The following CYGB variants were observed in gnomAD, a reference collection of about 807,000 sequenced individuals.
CYGB encodes the protein histoglobin.
In CYGB, 13 loss-of-function variants were observed where a neutral mutation model predicts 20.7. That is an observed-to-expected ratio of 0.63 (90% CI 0.41 to 1.00). The LOEUF is 1.00. Ranked by LOEUF, CYGB falls within the 50% of genes least tolerant of loss-of-function variation. The pLI, the probability that CYGB is intolerant of heterozygous loss-of-function variation, is 0.00. For missense variants in CYGB, 218 were observed against 257.2 expected, an observed-to-expected ratio of 0.85 and a Z score of 1.04; for synonymous variants, 93 against 107.4, an observed-to-expected ratio of 0.87 and a Z score of 0.83.
chr17:76,535,499 G>C (rs1206755899), intron 1 of CYGB, among the ~76,000 whole-genome samples: 1 of 152,168 alleles, frequency 6.6e-6, no homozygotes, highest in Non-Finnish European at 1.5e-5. Context: ...TGTGGGGCTT[G>C]GGCTGGCAGG....
chr17:76,549,164 A>G (rs1380193092), intron 1 of CYGB, among the ~76,000 whole-genome samples: 2 of 152,248 alleles, frequency 1.3e-5, no homozygotes, highest in Admixed American at 1.3e-4. Context: ...TGCTCTTGGA[A>G]AGACTAGGAG....
Position 76,537,603 on chromosome 17 carries a change from G to GGGGCGCGGGGCGCC in CYGB, c.-75_-62dup, listed in dbSNP as rs1274187744. The GGGGCGCGGGGCGCC allele has an allele frequency of 9.5e-7, 1 of 1,048,504 alleles. No individual in the cohort carries two copies. The highest frequency in any genetic ancestry group is 1.1e-6 in the Non-Finnish European group (1 of 870,932). 65.0% of individuals were successfully genotyped at this position (1,048,504 alleles called of 1,614,324 possible). ...GCGGCGGTGGCGGGGCGCGGGGCGC[G>GGGGCGCGGGGCGCC]GGGCGCGGGGCGCCGGGAGCCGGGG... On this transcript the variant is annotated 5_prime_UTR_variant, in exon 1 of 4. Coordinates refer to ENST00000293230, the MANE Select transcript of CYGB (RefSeq NM_134268.5).
Position 76,537,260 on chromosome 17 carries a change from C to T in CYGB, c.143+140G>A. 2 of 1,003,918 alleles carry T rather than the reference C, an allele frequency of 2.0e-6. 1 individual carries two copies. The allele number at this position is 1,003,918 out of a possible 1,614,324, so 62.2% of individuals were successfully genotyped here. A position where few individuals can be genotyped will look rare whatever the true frequency, so the allele number is the denominator to read the frequency against. ...GTTCACCCCAAGGCGCCCCACGCCGCCTGCTCCGCCGACCTCGGACCGGCC... is the reference window on the plus strand; with the variant it reads ...GTTCACCCCAAGGCGCCCCACGCCGTCTGCTCCGCCGACCTCGGACCGGCC... On this transcript the variant is annotated intron_variant, in intron 1 of 3. Coordinates refer to ENST00000293230, the MANE Select transcript of CYGB (RefSeq NM_134268.5).
chr17:76,536,404 C>A (rs2074914323), intron 1 of CYGB, among the ~76,000 whole-genome samples: 1 of 152,130 alleles, frequency 6.6e-6, no homozygotes, highest in South Asian at 2.1e-4. Flanking sequence ...ACAAGGCTGC[C>A]CTGCTCTGTC....
rs770214225 is a variant in CYGB at position 76,544,117 on chromosome 17, G to A, written c.-53+6745C>T. Reference sequence around the variant, plus strand: ...TGAGCAGAGATAAAAGCAGATTTCCGCTTCTGCTCCCAGATCCAGGAGCAG... The same window carrying A: ...TGAGCAGAGATAAAAGCAGATTTCCACTTCTGCTCCCAGATCCAGGAGCAG... On this transcript the variant is annotated intron_variant, in intron 1 of 3. Coordinates refer to the CYGB transcript ENST00000589145. 3.3e-5 allele frequency: 15 copies of A among 454,364 alleles called. No homozygotes were observed. In the East Asian group the frequency reaches 9.7e-4, roughly 29 times the overall value. The allele number at this position is 454,364 out of a possible 1,614,324, so 28.1% of individuals were successfully genotyped here.
At position 76,536,011 on chromosome 17, in the gene CYGB, C is replaced by T. The variant is rs1480973202; in HGVS notation, c.143+1389G>A. On this transcript the variant is annotated intron_variant, in intron 1 of 3. Transcript: ENST00000293230. The stretch of plus-strand genomic sequence containing the variant: ...CACCCTCCGAGGACGCAGTCTGGCA[C>T]ATCTGCGGCTCTGCTACCCACAATG... 5.9e-5 allele frequency among the ~76,000 whole-genome samples: 9 copies of T among 152,286 alleles called. No individual in the cohort carries two copies. The South Asian group carries it at 6.2e-4, about 11-fold the overall frequency.
At chr17:76,539,281 A>G (rs1454940119), upstream of CYGB, among the ~76,000 whole-genome samples, 2 of 152,216 alleles carry the variant, frequency 1.3e-5, no homozygotes, top group Non-Finnish European at 2.9e-5. Flanking sequence ...GGGATGTGGA[A>G]AGAAAATAGG....
rs1181769789 is a variant in CYGB at position 76,528,843 on chromosome 17, A to G, written c.540-232T>C. 3.3e-6 allele frequency: 4 copies of G among 1,212,638 alleles called. No homozygotes were observed. The highest frequency in any genetic ancestry group is 4.1e-6 in the Non-Finnish European group (4 of 971,002). The allele number at this position is 1,212,638 out of a possible 1,614,324, so 75.1% of individuals were successfully genotyped here. On this transcript the variant is annotated intron_variant, in intron 3 of 3. Coordinates refer to ENST00000293230, the MANE Select transcript of CYGB (RefSeq NM_134268.5). This position sits in a 1 kb window ranked among gnomAD's most constrained non-coding sequence, Gnocchi z 5.8. ...ATGGGAGCTCCGGATCTTTTTCTCT[A>G]AAATGTGAATAATGTCTGTCTTGTG... is the stretch of plus-strand genomic sequence containing the variant.
chr17:76,540,264 C>T (rs763101674), upstream of CYGB: 3 of 566,106 alleles, frequency 5.3e-6, no homozygotes, highest in Admixed American at 4.6e-5. The surrounding 1 kb of genome is among the most constrained non-coding windows in gnomAD (Gnocchi z 5.0). Context: ...GGGGGGGGGG[C>T]ATGGGGCTGG....
chr17:76,529,658 G>T (rs867157628), intron 3 of CYGB: 1 of 985,410 alleles, frequency 1.0e-6, no homozygotes, highest in African/African-American at 1.7e-5. Flanking sequence ...TGGGAGGGCA[G>T]GCAAGCCCCC....
chr17:76,532,727 G>T (rs1199793563), intron 1 of CYGB, among the ~76,000 whole-genome samples: 1 of 151,838 alleles, frequency 6.6e-6, no homozygotes, highest in East Asian at 1.9e-4. Context: ...AGTAGAGACA[G>T]GGTTTCACCA....
At chr17:76,529,382 C>T (rs2074806586) in intron 3 of CYGB, 4 of 985,192 alleles carry the variant, frequency 4.1e-6, no homozygotes, top group African/African-American at 3.5e-5. Flanking sequence ...CAGAAGTGGG[C>T]GGAGGAGGAG....
intron 1 of CYGB, chr17:76,544,420 G>A (rs991795551): frequency 1.1e-5 from 5 of 454,888 alleles, no homozygotes; most frequent in South Asian, 1.6e-5. Context: ...CGCTCAGGGT[G>A]GGGGAGGAGG....
rs144852411 is a variant in CYGB, at chr17:76,544,909, G to A, written c.-53+5953C>T. The A allele has an allele frequency of 9.3e-3, 4,254 of 456,782 alleles. 58 individuals carry two copies. The highest frequency in any genetic ancestry group is 0.024 in the South Asian group (1,549 of 64,570). The allele number at this position is 456,782 out of a possible 1,614,324, so 28.3% of individuals were successfully genotyped here. On this transcript the variant is annotated intron_variant, in intron 1 of 3. Coordinates refer to the CYGB transcript ENST00000589145. ...CAGCGCCCCTCCACGCCACTGTTCC[G>A]AGAACCTGCGCAGGAGGTGGTGGCT...
At chr17:76,534,802 T>C (rs1287556341) in intron 1 of CYGB, among the ~76,000 whole-genome samples, 1 of 152,032 alleles carries the variant, frequency 6.6e-6, no homozygotes, top group Non-Finnish European at 1.5e-5. Context: ...CACCACCGGG[T>C]TGTGGCCCTG....
At position 76,533,313 on chromosome 17, in the gene CYGB, G is replaced by A. The variant is rs140268052; in HGVS notation, c.144-1622C>T. Among the ~76,000 whole-genome samples the A allele has an allele frequency of 2.7e-3, 405 of 152,280 alleles. 2 individuals carry two copies. Among genetic ancestry groups the A allele is most frequent in the East Asian group, 0.013 (69 of 5,188 alleles). On this transcript the variant is annotated intron_variant, in intron 1 of 3. Coordinates refer to ENST00000293230, the MANE Select transcript of CYGB (RefSeq NM_134268.5). The surrounding 1 kb of genome is among the most constrained non-coding windows in gnomAD (Gnocchi z 4.5). ...CACGGGTGAGGACACGTGAGGCGAC[G>A]GGTCTGAAAATACATTGAATTTTCT...
At chr17:76,544,777 T>C (rs1485708148) in intron 1 of CYGB, 1 of 456,814 alleles carries the variant, frequency 2.2e-6, no homozygotes, top group East Asian at 6.9e-5. Flanking sequence ...TCCTGTCACC[T>C]CATCCTTGCT....
intron 1 of CYGB, chr17:76,545,520 T>C (rs2075046113): frequency 2.6e-6 from 1 of 381,948 alleles, no homozygotes; most frequent in African/African-American, 2.1e-5. Context: ...TGGGGTCCCT[T>C]CTGGTCTAGG....
chr17:76,544,226 C>T (rs1481695638), intron 1 of CYGB: 3 of 454,446 alleles, frequency 6.6e-6, no homozygotes, highest in Non-Finnish European at 1.3e-5. Context: ...CGTCTCTCCT[C>T]CCCAGCCAGC....
Sources: allele counts gnomAD v4.1 joint callset (sites outside exome capture counted in the v4.1 genomes callset), GRCh38; gene constraint gnomAD v4.1.1; non-coding constraint Gnocchi (gnomAD v3.1); transcripts MANE v1.5; gene names NCBI Gene and HGNC (gene_info 2026-07-23, HGNC 2026-07-21).